The following VPS9D1 variants were observed in gnomAD, a reference collection of about 807,000 sequenced individuals.
VPS9D1 encodes VPS9 domain containing 1, also known as VPS9 domain-containing protein 1.
VPS9D1 carries 78 observed loss-of-function variants against 75.8 expected under a neutral mutation model. The observed-to-expected ratio is 1.03, with a 90% CI of 0.86 to 1.24. VPS9D1 has a LOEUF of 1.24. Ranked by LOEUF, VPS9D1 falls within the 50% of genes most tolerant of loss-of-function variation. The pLI is 0.00. For synonymous variants in VPS9D1, 481 were observed against 385.6 expected (o/e 1.25, Z -2.90); for missense variants, 1,057 against 847.7 (o/e 1.25, Z -3.07).
At position 89,712,815 on chromosome 16, in the gene VPS9D1, G is replaced by C; in HGVS notation, c.432-99C>G. 4 of 1,084,946 alleles carry C rather than the reference G, an allele frequency of 3.7e-6. No homozygotes were observed. In the South Asian group the frequency reaches 5.4e-5, roughly 15 times the overall value. 67.2% of individuals were successfully genotyped at this position (1,084,946 alleles called of 1,614,324 possible). A position where few individuals can be genotyped will look rare whatever the true frequency, so the allele number is the denominator to read the frequency against. On this transcript the variant is annotated intron_variant, in intron 4 of 14. Transcript: ENST00000389386. ...ATCCTCCCGGATTGCTCTGAGGCCA[G>C]GAGGTGAGGAGAAAGAGGAGGGGAG... is the stretch of plus-strand genomic sequence containing the variant.
Position 89,711,390 on chromosome 16 carries a change from G to A in VPS9D1, c.770C>T (p.Ala257Val), listed in dbSNP as rs201649648. ...GTCCCCCGGATTCCTCTTGAGCTTG[G>A]CCTTCCAGTGCTTCGGCCAGTCCTA... ...QDHDWPKHWK[A>V]KLKRNPGDLS... The change falls in exon 9 of 15, where the codon GCC becomes GTC. Residue 257 changes from alanine (A) to valine (V), a missense_variant. By Grantham distance (64) the Ala-to-Val change is moderately conservative. Coordinates refer to ENST00000389386, the MANE Select transcript of VPS9D1 (RefSeq NM_004913.3). The A allele has an allele frequency of 1.9e-6, 3 of 1,609,722 alleles. No homozygotes were observed. The highest frequency in any genetic ancestry group is 4.5e-5 in the East Asian group (2 of 44,764).
intron 4 of VPS9D1, among the ~76,000 whole-genome samples, chr16:89,714,616 C>CTT (rs1222402432): frequency 3.3e-5 from 5 of 152,328 alleles, no homozygotes; most frequent in Middle Eastern, 3.4e-3. Flanking sequence ...GAGGAGTGGA[C>CTT]CCTTCTCGTC....
At chr16:89,718,973 C>A (rs1183671838) in intron 2 of VPS9D1, 54 bp downstream of exon 2, 1 of 1,512,824 alleles carries the variant, frequency 6.6e-7, no homozygotes, top group Non-Finnish European at 9.1e-7. Flanking sequence ...CTCTGCCTCC[C>A]ACAGTGCTGG....
chr16:89,711,519 G>A (rs911456577), intron 8 of VPS9D1, 107 bp from the exon 9 acceptor site: 10 of 1,115,626 alleles, frequency 9.0e-6, no homozygotes, highest in Non-Finnish European at 1.3e-5. Flanking sequence ...GCCCGTCCTG[G>A]GGTGCAGGAG....
Position 89,711,433 on chromosome 16 carries a change from A to C in VPS9D1, c.748-21T>G, listed in dbSNP as rs545851377. The C allele has an allele frequency of 3.7e-5, 59 of 1,591,022 alleles. No individual in the cohort carries two copies. The South Asian group carries it at 4.6e-4, about 12-fold the overall frequency. On this transcript the variant is annotated intron_variant, in intron 8 of 14. Coordinates refer to ENST00000389386, the MANE Select transcript of VPS9D1 (RefSeq NM_004913.3). ...CAGTCCTACGGGACAGGGGGCCTTG[A>C]AGGAAAGCACGGTGGGTCCGCCACG...
At chr16:89,712,232 C>T in intron 6 of VPS9D1, 133 bp from the exon 7 acceptor site, 2 of 1,415,948 alleles carry the variant, frequency 1.4e-6, no homozygotes, top group Non-Finnish European at 1.9e-6. Flanking sequence ...GGTAAGGCTT[C>T]TGGGGCAGAA....
chr16:89,712,515 G>A lies in VPS9D1; in HGVS notation c.551C>T (p.Ser184Phe). ...QAMQKTSLTL[S>F]LQRQMMENLV... ...GTTCTCCATCATCTGCCGCTGTAGA[G>A]AGAGGGTCTGGGGGGGGAGGAGGGA... The change falls in exon 6 of 15, where the codon TCT becomes TTT. Residue 184 changes from serine (S) to phenylalanine (F), a missense_variant. By Grantham distance (155) the Ser-to-Phe change is radical. Transcript: ENST00000389386. 11 of 1,612,488 alleles carry A rather than the reference G, an allele frequency of 6.8e-6. No individual in the cohort carries two copies. The highest frequency in any genetic ancestry group is 1.1e-5 in the South Asian group (1 of 91,064).
At chr16:89,708,130 C>T (rs1489743440) in intron 14 of VPS9D1, among the ~76,000 whole-genome samples, 176 bp from the exon 15 acceptor site, 1 of 152,234 alleles carries the variant, frequency 6.6e-6, no homozygotes, top group East Asian at 1.9e-4. Context: ...TGTGCTCGTC[C>T]TTGGACGGTA....
At chr16:89,718,331 C>A (rs1170657325) in intron 2 of VPS9D1, among the ~76,000 whole-genome samples, 1 of 152,188 alleles carries the variant, frequency 6.6e-6, no homozygotes, top group Non-Finnish European at 1.5e-5. Flanking sequence ...GCTGTCCTCT[C>A]CCTCAAAGCT....
chr16:89,718,084 C>T (rs2061131347), intron 2 of VPS9D1: 13 of 455,286 alleles, frequency 2.9e-5, no homozygotes, highest in Non-Finnish European at 5.7e-5. Context: ...GCTCTATGTC[C>T]AGTGGCTCCC....
chr16:89,720,654 C>G (rs1488773967), intron 1 of VPS9D1, 109 bp downstream of exon 1: 1 of 1,234,490 alleles, frequency 8.1e-7, no homozygotes, highest in Non-Finnish European at 1.0e-6. Context: ...CCGGCTGGCG[C>G]CCGCTCCCAA....
chr16:89,711,737 G>C (rs2060929493), intron 8 of VPS9D1, 145 bp downstream of exon 8: 1 of 1,021,170 alleles, frequency 9.8e-7, no homozygotes, highest in Admixed American at 2.9e-5. Context: ...CCCTCACCGG[G>C]CCCTCCCACG....
chr16:89,712,902 G>C, intron 4 of VPS9D1, 186 bp from the exon 5 acceptor site: 2 of 533,592 alleles, frequency 3.7e-6, no homozygotes, highest in Non-Finnish European at 6.4e-6. Flanking sequence ...CACAGGTTTT[G>C]GCCAGGTGCA....
Position 89,709,141 on chromosome 16 carries a change from G to C in VPS9D1, c.1597+86C>G, listed in dbSNP as rs937961529. 3.8e-6 allele frequency: 6 copies of C among 1,576,136 alleles called. No homozygotes were observed. In the African/African-American group the frequency reaches 4.1e-5, roughly 11 times the overall value. ...CAACCTCCCCACCGGCACGTGACAA[G>C]AGAAGCTCAGTGGTGAAGACACAGG... is the stretch of plus-strand genomic sequence containing the variant. On this transcript the variant is annotated intron_variant, in intron 12 of 14. Transcript: ENST00000389386.
chr16:89,710,589 C>T lies in VPS9D1; in HGVS notation c.1255G>A (p.Val419Ile), dbSNP rs769766323. ...CCCAGGGAGGGCCTGGCCTCACCTA[C>T]GGCATTGTGGATCTCCTCCACCGCG... ...KTAVEEIHNA[V>I]DRLLSLTLLA... Residue 419 changes from valine to isoleucine, a missense_variant, in exon 10 of 15, where the codon GTA (valine) becomes ATA (isoleucine). Transcript: ENST00000389386. The T allele has an allele frequency of 3.5e-5, 56 of 1,594,800 alleles. No homozygotes were observed. Among genetic ancestry groups the T allele is most frequent in the Admixed American group, 6.7e-5 (4 of 59,470 alleles).
chr16:89,714,465 T>G (rs1264032480), intron 4 of VPS9D1, among the ~76,000 whole-genome samples: 1 of 152,200 alleles, frequency 6.6e-6, no homozygotes, highest in Non-Finnish European at 1.5e-5. Flanking sequence ...TTGAAAGCTT[T>G]GTTCCCTCGT....
intron 8 of VPS9D1, 45 bp from the exon 9 acceptor site, chr16:89,711,457 C>G: frequency 6.6e-7 from 1 of 1,526,558 alleles, no homozygotes; most frequent in Non-Finnish European, 8.9e-7. Context: ...GGGTCCGCCA[C>G]GACCGGACGC....
At chr16:89,714,886 C>A (rs1327252870) in intron 4 of VPS9D1, among the ~76,000 whole-genome samples, 6 of 152,104 alleles carry the variant, frequency 3.9e-5, no homozygotes, top group Non-Finnish European at 8.8e-5. Flanking sequence ...AGGCACGCGC[C>A]ACCATGCCCA....
In VPS9D1 at chr16:89,712,478, G is replaced by C. The variant is rs746959586; in HGVS notation, c.588C>G (p.Ala196=). Residue 196 remains alanine (A), a synonymous_variant, in exon 6 of 15, where the codon GCC becomes GCG. Transcript: ENST00000389386. ...AGGCTGCTGTCTCCTCCCGGGCTTT[G>C]GCAATCACTAGGTTCTCCATCATCT... is the stretch of plus-strand genomic sequence containing the variant. ...QRQMMENLVI[A]KAREETLQRK... 9.9e-6 allele frequency: 16 copies of C among 1,613,362 alleles called. No homozygotes were observed. The African/African-American group carries it at 1.2e-4, about 12-fold the overall frequency.
Sources: allele counts gnomAD v4.1 joint callset (sites outside exome capture counted in the v4.1 genomes callset), GRCh38; gene constraint gnomAD v4.1.1; transcripts MANE v1.5; gene names NCBI Gene and HGNC (gene_info 2026-07-23, HGNC 2026-07-21).